GABBR2: variants seen among roughly 807,000 people sequenced by gnomAD.
The protein encoded by GABBR2 is G-protein coupled receptor 51.
Under a neutral mutation model 105.6 loss-of-function variants are expected in GABBR2, and 23 were observed. The ratio of observed to expected loss-of-function variants is 0.22; its 90% CI spans 0.16 to 0.31. The LOEUF (loss-of-function observed/expected upper bound fraction) is 0.31. GABBR2 is among the 10% of genes least tolerant of loss of function. The pLI is 1.00. For synonymous variants in GABBR2, 478 were observed against 499.7 expected (o/e 0.96, Z 0.58); for missense variants, 734 against 1,245.5 (o/e 0.59, Z 6.18).
intron 7 of GABBR2, among the ~76,000 whole-genome samples, chr9:98,452,305 G>A (rs1231419712): frequency 7.2e-5 from 11 of 152,230 alleles, no homozygotes; most frequent in Admixed American, 7.2e-4. Context: ...ACACAGGACA[G>A]CACTTTAGCC....
chr9:98,587,171 A>G (rs964486696), intron 1 of GABBR2, among the ~76,000 whole-genome samples: 18 of 152,174 alleles, frequency 1.2e-4, no homozygotes, highest in South Asian at 4.1e-4. Flanking sequence ...ATCTTTTCAT[A>G]TGCTTATAGC....
At chr9:98,384,292 G>C (rs1303264494) in intron 11 of GABBR2, among the ~76,000 whole-genome samples, 5 of 152,168 alleles carry the variant, frequency 3.3e-5, no homozygotes, top group South Asian at 4.1e-4. Context: ...CTGAGAGTTA[G>C]TTCCATAAAA....
intron 1 of GABBR2, among the ~76,000 whole-genome samples, chr9:98,628,203 A>G (rs1829772066): frequency 6.6e-6 from 1 of 152,218 alleles, no homozygotes; most frequent in Non-Finnish European, 1.5e-5. Context: ...TAGCTCATTT[A>G]TCAGATGAGG....
intron 13 of GABBR2, among the ~76,000 whole-genome samples, chr9:98,335,171 C>A (rs1247223288): frequency 6.6e-6 from 1 of 152,114 alleles, no homozygotes; most frequent in Non-Finnish European, 1.5e-5. Flanking sequence ...ACTGGAGAAA[C>A]AATTGTTCAA....
chr9:98,424,566 T>C (rs1012881732), intron 7 of GABBR2, among the ~76,000 whole-genome samples: 1 of 151,912 alleles, frequency 6.6e-6, no homozygotes, highest in Non-Finnish European at 1.5e-5. Context: ...ACGACATGAT[T>C]GTATATCTAG....
At chr9:98,686,086 C>G (rs1214811342) in intron 1 of GABBR2, among the ~76,000 whole-genome samples, 1 of 151,672 alleles carries the variant, frequency 6.6e-6, no homozygotes, top group East Asian at 1.9e-4. Context: ...TACCAAGACC[C>G]GTGTGAAGCT....
At chr9:98,532,830 C>T (rs1001638364) in intron 3 of GABBR2, among the ~76,000 whole-genome samples, 2 of 152,120 alleles carry the variant, frequency 1.3e-5, no homozygotes, top group Non-Finnish European at 2.9e-5. Flanking sequence ...GATTCTGAAG[C>T]ATTAACAACT....
intron 4 of GABBR2, among the ~76,000 whole-genome samples, chr9:98,490,439 G>A (rs1217668123): frequency 2.0e-5 from 3 of 152,156 alleles, no homozygotes; most frequent in Non-Finnish European, 1.5e-5. Context: ...CCTGTGTGCT[G>A]TTTGCCTTAG....
Position 98,357,705 on chromosome 9 carries a change from G to A in GABBR2, c.1893+5010C>T. Among the ~76,000 whole-genome samples the A allele has an allele frequency of 1.3e-5, 2 of 151,670 alleles. 1 individual carries two copies. The highest frequency in any genetic ancestry group is 3.9e-4 in the East Asian group (2 of 5,180). ...ACAAAAAAAAAAACCCCACATCATA[G>A]TTTCTGAAGAGGAGATATAATGTAT... On this transcript the variant is annotated intron_variant, in intron 13 of 18. Coordinates refer to ENST00000259455, the MANE Select transcript of GABBR2 (RefSeq NM_005458.8).
At chr9:98,680,510 C>A (rs4743266) in intron 1 of GABBR2, among the ~76,000 whole-genome samples, 124,844 of 151,896 alleles carry the variant, frequency 0.82, 51,984 homozygotes, top group Middle Eastern at 0.91. Flanking sequence ...GGGGTTTCAC[C>A]GTGTTAGCCA....
chr9:98,621,225 G>A (rs1829666355), intron 1 of GABBR2, among the ~76,000 whole-genome samples: 1 of 152,170 alleles, frequency 6.6e-6, no homozygotes, highest in Non-Finnish European at 1.5e-5. Context: ...GGCTCAGAGA[G>A]GTTGAACAGC....
At chr9:98,481,057 C>G in intron 4 of GABBR2, 60 bp from the exon 5 acceptor site, 1 of 1,040,554 alleles carries the variant, frequency 9.6e-7, no homozygotes, top group South Asian at 1.3e-5. Flanking sequence ...ATAAAGGGTT[C>G]AAGGCTGTGG....
intron 11 of GABBR2, among the ~76,000 whole-genome samples, chr9:98,374,663 T>C (rs1343914592): frequency 6.6e-6 from 1 of 152,200 alleles, no homozygotes; most frequent in African/African-American, 2.4e-5. Context: ...TGTGCTTCCC[T>C]AGGCAGCATT....
At chr9:98,567,086 G>C (rs1474604181) in intron 2 of GABBR2, among the ~76,000 whole-genome samples, 3 of 152,186 alleles carry the variant, frequency 2.0e-5, no homozygotes, top group Non-Finnish European at 4.4e-5. Context: ...AGCAGCACCA[G>C]CTGTACCGTA....
At chr9:98,577,347 G>A (rs2808532) in intron 2 of GABBR2, among the ~76,000 whole-genome samples, 17,967 of 152,290 alleles carry the variant, frequency 0.12, 1,394 homozygotes, top group Admixed American at 0.21. Flanking sequence ...ACAATAGACT[G>A]TATATATGTT....
At chr9:98,557,487 TA>T (rs1364494283) in intron 2 of GABBR2, among the ~76,000 whole-genome samples, 7 of 152,126 alleles carry the variant, frequency 4.6e-5, no homozygotes, top group African/African-American at 1.7e-4. Flanking sequence ...ATACGGTCAA[TA>T]TGAAGAAGAA....
rs529859982 is a variant in GABBR2, at chr9:98,306,803, G to A, written c.2005-458C>T. 6.6e-6 allele frequency among the ~76,000 whole-genome samples: 1 copy of A among 152,306 alleles called. No homozygotes were observed. The highest frequency in any genetic ancestry group is 2.1e-4 in the South Asian group (1 of 4,828). ...CTATTAAACTAAGCAGATCCCTTGT[G>A]TCTGAGACTTCTATTGTCCCCAAGC... On this transcript the variant is annotated intron_variant, in intron 14 of 18. Transcript: ENST00000259455. This position sits in a 1 kb window ranked among gnomAD's most constrained non-coding sequence, Gnocchi z 5.4.
chr9:98,342,457 G>T (rs1831230207), intron 13 of GABBR2, among the ~76,000 whole-genome samples: 1 of 152,134 alleles, frequency 6.6e-6, no homozygotes, highest in Non-Finnish European at 1.5e-5. Flanking sequence ...TCCTTTAGCT[G>T]CTGGGGAAAA....
At chr9:98,342,319 A>G (rs1405510336) in intron 13 of GABBR2, among the ~76,000 whole-genome samples, 2 of 152,072 alleles carry the variant, frequency 1.3e-5, no homozygotes, top group Non-Finnish European at 2.9e-5. Context: ...TGCTTTGGAG[A>G]AGTAACAATA....
Sources: allele counts gnomAD v4.1 joint callset (sites outside exome capture counted in the v4.1 genomes callset), GRCh38; gene constraint gnomAD v4.1.1; non-coding constraint Gnocchi (gnomAD v3.1); transcripts MANE v1.5; gene names NCBI Gene and HGNC (gene_info 2026-07-23, HGNC 2026-07-21).